The following PTPRG variants were observed in gnomAD, a reference collection of about 807,000 sequenced individuals.
PTPRG encodes the protein receptor-type tyrosine-protein phosphatase gamma.
In PTPRG, 102 loss-of-function variants were observed where a neutral mutation model predicts 165.3. The observed-to-expected ratio is 0.62, with a 90% CI of 0.53 to 0.73. The LOEUF (loss-of-function observed/expected upper bound fraction) is 0.73, where lower values mean the gene tolerates loss of function less well. PTPRG is among the 30% of genes least tolerant of loss of function. The probability of loss-of-function intolerance (pLI) is 0.00; values close to 1 mark genes in which losing one functional copy is unlikely to be tolerated. For synonymous variants in PTPRG, 675 were observed against 669.5 expected, an observed-to-expected ratio of 1.01 and a Z score of -0.13; for missense variants, 1,866 against 1,861.4, an observed-to-expected ratio of 1.00 and a Z score of -0.05.
At chr3:61,673,754 T>G (rs1703114651) in intron 1 of PTPRG, among the ~76,000 whole-genome samples, 1 of 152,158 alleles carries the variant, frequency 6.6e-6, no homozygotes, top group Non-Finnish European at 1.5e-5. Flanking sequence ...CCTTTCTGAC[T>G]ATTGAACTCT....
intron 1 of PTPRG, among the ~76,000 whole-genome samples, chr3:61,659,995 G>C (rs908035743): frequency 5.9e-5 from 9 of 152,238 alleles, no homozygotes; most frequent in African/African-American, 2.2e-4. Flanking sequence ...GGGAGGCCAG[G>C]GCAGGCGGAT....
At chr3:61,606,583 T>A (rs1041008126) in intron 1 of PTPRG, among the ~76,000 whole-genome samples, 9 of 152,230 alleles carry the variant, frequency 5.9e-5, no homozygotes, top group Non-Finnish European at 8.8e-5. Context: ...ACAAAATATC[T>A]GCAACCAGGT....
At chr3:61,617,057 G>A (rs1268313682) in intron 1 of PTPRG, among the ~76,000 whole-genome samples, 2 of 152,242 alleles carry the variant, frequency 1.3e-5, no homozygotes, top group Non-Finnish European at 2.9e-5. Flanking sequence ...TCCGAGGCTA[G>A]CTGCATCCCT....
intron 2 of PTPRG, among the ~76,000 whole-genome samples, chr3:61,916,118 A>G (rs7630364): frequency 0.12 from 18,867 of 152,264 alleles, 2,193 homozygotes; most frequent in African/African-American, 0.31. Flanking sequence ...TACATTTGCC[A>G]TGTAAGACAT....
At chr3:61,641,635 G>GT (rs1414191586) in intron 1 of PTPRG, among the ~76,000 whole-genome samples, 1 of 152,126 alleles carries the variant, frequency 6.6e-6, no homozygotes, top group African/African-American at 2.4e-5. Context: ...TTGCGGTTCT[G>GT]TTTAAAAGAT....
intron 2 of PTPRG, among the ~76,000 whole-genome samples, chr3:61,980,666 A>G (rs536213827): frequency 4.6e-5 from 7 of 152,368 alleles, no homozygotes; most frequent in African/African-American, 1.2e-4. Flanking sequence ...ATTAGTTACA[A>G]ATAGCACAAA....
chr3:62,229,628 T>C lies in PTPRG; in HGVS notation c.2289-1597T>C, dbSNP rs752635962. Among the ~76,000 whole-genome samples the C allele has an allele frequency of 1.3e-5, 2 of 152,246 alleles. No homozygotes were observed. Among genetic ancestry groups the C allele is most frequent in the Non-Finnish European group, 2.9e-5 (2 of 68,036 alleles). The stretch of plus-strand genomic sequence containing the variant: ...GGAAGCTCCTTGTATGTTCAGTCTA[T>C]TCTAGGTAACAACCATCTTTCTTTG... On this transcript the variant is annotated intron_variant, in intron 13 of 29. Transcript: ENST00000474889. The surrounding 1 kb of genome is among the most constrained non-coding windows in gnomAD (Gnocchi z 4.6).
chr3:62,264,960 T>TAA (rs34009731), intron 17 of PTPRG, among the ~76,000 whole-genome samples: 17 of 143,064 alleles, frequency 1.2e-4, no homozygotes, highest in South Asian at 1.1e-3. Context: ...TCTTACTATT[T>TAA]AAAAAAAAAA....
intron 2 of PTPRG, among the ~76,000 whole-genome samples, chr3:61,844,848 A>T (rs1259525482): frequency 1.3e-5 from 2 of 152,148 alleles, no homozygotes; most frequent in East Asian, 3.9e-4. Flanking sequence ...TAGTTTCTAG[A>T]ACAATTTCAT....
chr3:61,563,767 T>A (rs1699831555), intron 1 of PTPRG, among the ~76,000 whole-genome samples: 2 of 151,936 alleles, frequency 1.3e-5, no homozygotes, highest in South Asian at 2.1e-4. Context: ...AGTCCCGTCG[T>A]GCGACCCGGA....
At chr3:61,763,734 GAAAT>G (rs2033931431) in intron 2 of PTPRG, among the ~76,000 whole-genome samples, 3 of 152,104 alleles carry the variant, frequency 2.0e-5, no homozygotes. Flanking sequence ...TTCTAGGAAA[GAAAT>G]GTGTTTACTT....
intron 14 of PTPRG, among the ~76,000 whole-genome samples, chr3:62,231,787 TG>T (rs1181423296): frequency 6.6e-6 from 1 of 151,856 alleles, no homozygotes; most frequent in Non-Finnish European, 1.5e-5. Context: ...CAAACATGGA[TG>T]TACTATGTGT....
intron 5 of PTPRG, among the ~76,000 whole-genome samples, chr3:62,127,503 C>G (rs748747281): frequency 1.3e-5 from 2 of 152,192 alleles, no homozygotes; most frequent in Non-Finnish European, 2.9e-5. Context: ...CATGTGGAGT[C>G]TCTGGTCCTG....
chr3:61,765,058 C>T (rs921760281), intron 2 of PTPRG, among the ~76,000 whole-genome samples: 1 of 152,184 alleles, frequency 6.6e-6, no homozygotes, highest in East Asian at 1.9e-4. Flanking sequence ...CGTTTTTACA[C>T]AGTTGGTCTC....
At chr3:61,614,496 G>T (rs576234151) in intron 1 of PTPRG, among the ~76,000 whole-genome samples, 43 of 131,902 alleles carry the variant, frequency 3.3e-4, no homozygotes, top group African/African-American at 1.2e-3. Flanking sequence ...TGCAACCTCT[G>T]CTTCTGGGGC....
chr3:61,996,093 A>G (rs1425197886), intron 3 of PTPRG, among the ~76,000 whole-genome samples: 1 of 152,086 alleles, frequency 6.6e-6, no homozygotes, highest in South Asian at 2.1e-4. Context: ...AGCTGGCCAT[A>G]GAAGAGAACT....
intron 15 of PTPRG, among the ~76,000 whole-genome samples, chr3:62,244,131 T>G (rs1190140163): frequency 6.6e-6 from 1 of 152,258 alleles, no homozygotes; most frequent in African/African-American, 2.4e-5. Context: ...TAGTATCTAC[T>G]TGGACTAAAT....
chr3:61,784,572 C>G (rs954474676), intron 2 of PTPRG, among the ~76,000 whole-genome samples: 11 of 152,136 alleles, frequency 7.2e-5, no homozygotes, highest in East Asian at 5.8e-4. Context: ...TTCCACAAGA[C>G]TTAAGCCAGA....
intron 1 of PTPRG, among the ~76,000 whole-genome samples, chr3:61,674,063 G>C (rs1177800570): frequency 1.3e-5 from 2 of 151,926 alleles, no homozygotes; most frequent in Non-Finnish European, 2.9e-5. Context: ...GATAGCATTA[G>C]GAGAAATACC....
Sources: allele counts gnomAD v4.1 joint callset (sites outside exome capture counted in the v4.1 genomes callset), GRCh38; gene constraint gnomAD v4.1.1; non-coding constraint Gnocchi (gnomAD v3.1); transcripts MANE v1.5; gene names NCBI Gene and HGNC (gene_info 2026-07-23, HGNC 2026-07-21).